Variants in AVEN observed in about 807,000 individuals in gnomAD.
The protein encoded by AVEN is apoptosis and caspase activation inhibitor.
Under a neutral mutation model 38.1 loss-of-function variants are expected in AVEN, and 41 were observed. The observed-to-expected ratio is 1.08, with a 90% CI of 0.84 to 1.40. The LOEUF (loss-of-function observed/expected upper bound fraction) is 1.40, where lower values mean the gene tolerates loss of function less well. AVEN is among the 40% of genes most tolerant of loss of function. The pLI is 0.00. For synonymous variants in AVEN, 206 were observed against 171.8 expected, an observed-to-expected ratio of 1.20 and a Z score of -1.56; for missense variants, 605 against 438.8, an observed-to-expected ratio of 1.38 and a Z score of -3.38.
intron 1 of AVEN, among the ~76,000 whole-genome samples, chr15:34,035,629 G>C (rs566083622): frequency 2.6e-5 from 4 of 152,098 alleles, no homozygotes; most frequent in East Asian, 3.9e-4. Flanking sequence ...TTAAGTACTC[G>C]ACAAATGTGA....
At chr15:33,854,195 C>CAA (rs35238625), downstream of AVEN, among the ~76,000 whole-genome samples, 14,926 of 137,804 alleles carry the variant, frequency 0.11, 1,613 homozygotes, top group African/African-American at 0.26. Context: ...GACTCCGTTT[C>CAA]AAAAAAAAAA....
downstream of AVEN, chr15:33,857,940 AGCCCACCCACTGCGG>A: frequency 6.4e-7 from 1 of 1,569,234 alleles, no homozygotes; most frequent in African/African-American, 2.1e-5. Flanking sequence ...CTGCGGGGCC[AGCCCACCCACTGCGG>A]GGCCACCCCG....
At chr15:33,983,212 A>ACACACATG (rs780265090) in intron 2 of AVEN, among the ~76,000 whole-genome samples, 1 of 40,960 alleles carries the variant, frequency 2.4e-5, no homozygotes, top group African/African-American at 6.5e-5. Context: ...ATATATATAT[A>ACACACATG]TACATATATA....
intron 2 of AVEN, among the ~76,000 whole-genome samples, chr15:33,976,846 C>T (rs1390543565): frequency 6.6e-6 from 1 of 152,132 alleles, no homozygotes; most frequent in African/African-American, 2.4e-5. Context: ...GGCATAGAAA[C>T]ATAAGCTACT....
chr15:34,042,217 T>C (rs1899500554), upstream of AVEN, among the ~76,000 whole-genome samples: 1 of 152,174 alleles, frequency 6.6e-6, no homozygotes, highest in South Asian at 2.1e-4. Flanking sequence ...CTGGTATTGC[T>C]TTTGCTTGAT....
At chr15:33,880,321 C>G (rs921871999) in intron 2 of AVEN, among the ~76,000 whole-genome samples, 6 of 152,072 alleles carry the variant, frequency 3.9e-5, no homozygotes, top group African/African-American at 1.4e-4. Context: ...TGCTTATCCC[C>G]CTAAGGCATT....
At chr15:33,956,439 A>T (rs147404223) in intron 2 of AVEN, among the ~76,000 whole-genome samples, 7 of 152,362 alleles carry the variant, frequency 4.6e-5, no homozygotes, top group African/African-American at 1.7e-4. Context: ...CTATGAGTGC[A>T]TTGAGCATCT....
chr15:34,032,469 T>G (rs952044508), intron 1 of AVEN, among the ~76,000 whole-genome samples: 1 of 152,198 alleles, frequency 6.6e-6, no homozygotes, highest in Non-Finnish European at 1.5e-5. Flanking sequence ...AGAGTAACAC[T>G]ATTAAGAATG....
chr15:34,003,914 T>TA (rs1897233444), intron 1 of AVEN, among the ~76,000 whole-genome samples: 1 of 152,238 alleles, frequency 6.6e-6, no homozygotes, highest in Non-Finnish European at 1.5e-5. Flanking sequence ...TCTGATGTTA[T>TA]ATATTGACTC....
intron 5 of AVEN, among the ~76,000 whole-genome samples, chr15:34,044,594 T>A (rs992397350): frequency 1.3e-5 from 2 of 152,152 alleles, no homozygotes; most frequent in Non-Finnish European, 2.9e-5. Context: ...ATGGTAATAT[T>A]TTCCCAGTAC....
chr15:34,006,228 G>A (rs912962825), intron 1 of AVEN, among the ~76,000 whole-genome samples: 4 of 151,798 alleles, frequency 2.6e-5, no homozygotes, highest in African/African-American at 9.7e-5. Context: ...GGAGAATGGC[G>A]TGAATCCAGG....
chr15:33,931,349 C>CTTTTTTTTTTTTTTTTTTT (rs71119903), intron 2 of AVEN, among the ~76,000 whole-genome samples: 2 of 89,296 alleles, frequency 2.2e-5, no homozygotes, highest in African/African-American at 1.0e-4. Flanking sequence ...TGAATATTTT[C>CTTTTTTTTTTTTTTTTTTT]TTTTTTTTTT....
At chr15:34,064,076 C>T (rs372298301) in intron 4 of AVEN, 15 of 1,614,096 alleles carry the variant, frequency 9.3e-6, no homozygotes, top group Non-Finnish European at 1.0e-5. Flanking sequence ...CCTTCATCAT[C>T]ACATGGACCC....
At chr15:34,038,679 G>C in intron 1 of AVEN, 101 bp downstream of exon 1, 5 of 1,036,296 alleles carry the variant, frequency 4.8e-6, no homozygotes, top group Non-Finnish European at 5.9e-6. Flanking sequence ...CGCCCGTCTG[G>C]CGCGCGCCTG....
the AVEN span, chr15:33,853,534 C>CCCTGTCAT: frequency 6.2e-7 from 1 of 1,611,586 alleles, no homozygotes; most frequent in Non-Finnish European, 8.5e-7. Context: ...CCTGAGCTCA[C>CCCTGTCAT]CCTGTCATCC....
At chr15:33,874,420 C>A (rs1000676499) in intron 3 of AVEN, among the ~76,000 whole-genome samples, 1 of 152,134 alleles carries the variant, frequency 6.6e-6, no homozygotes, top group Non-Finnish European at 1.5e-5. Flanking sequence ...ACCTCGTTTT[C>A]CTGATCTTAC....
At chr15:34,004,737 T>C (rs1358876132) in intron 1 of AVEN, among the ~76,000 whole-genome samples, 3 of 152,156 alleles carry the variant, frequency 2.0e-5, no homozygotes, top group African/African-American at 4.8e-5. Context: ...TAATTGGTAA[T>C]TGCTGAAGCT....
At chr15:34,031,966 G>T (rs1347096624) in intron 1 of AVEN, among the ~76,000 whole-genome samples, 1 of 151,186 alleles carries the variant, frequency 6.6e-6, no homozygotes, top group Non-Finnish European at 1.5e-5. Flanking sequence ...CCATCCAAGA[G>T]AAAAAGTATT....
intron 2 of AVEN, among the ~76,000 whole-genome samples, chr15:33,985,835 T>C (rs1487890928): frequency 1.3e-5 from 2 of 152,116 alleles, no homozygotes; most frequent in African/African-American, 4.8e-5. Flanking sequence ...CTAGGAAATG[T>C]TCAAAAATAG....
Sources: gnomAD v4.1 joint callset for allele counts (sites outside exome capture counted in the v4.1 genomes callset) on GRCh38, gnomAD v4.1.1 for gene constraint, MANE v1.5 for transcripts, NCBI Gene and HGNC (gene_info 2026-07-23, HGNC 2026-07-21) for gene names.